Variants in CNNM1 observed in about 807,000 individuals in gnomAD.
CNNM1 encodes cyclin and CBS domain divalent metal cation transport mediator 1, also known as metal transporter CNNM1.
A neutral mutation model predicts 78.8 loss-of-function variants in CNNM1; 44 were observed. The observed-to-expected ratio is 0.56, with a 90% CI of 0.44 to 0.72. The LOEUF (loss-of-function observed/expected upper bound fraction) is 0.72, where lower values mean the gene tolerates loss of function less well. CNNM1 is among the 30% of genes least tolerant of loss of function. The probability of loss-of-function intolerance (pLI) is 0.00; values close to 1 mark genes in which losing one functional copy is unlikely to be tolerated. For synonymous variants in CNNM1, 584 were observed against 581.5 expected, an observed-to-expected ratio of 1.00 and a Z score of -0.06; for missense variants, 1,101 against 1,292.2, an observed-to-expected ratio of 0.85 and a Z score of 2.27.
intron 1 of CNNM1, among the ~76,000 whole-genome samples, chr10:99,351,553 C>T (rs1471466317): frequency 1.3e-5 from 2 of 152,176 alleles, no homozygotes; most frequent in Non-Finnish European, 2.9e-5. Context: ...ATTCACAAGT[C>T]ATCCCTGAGA....
rs563460044 is a variant in CNNM1, at chr10:99,356,882, C to T, written c.1574-630C>T. On this transcript the variant is annotated intron_variant, in intron 1 of 10. Transcript: ENST00000356713. ...TCTTACAATGTTCTTGCAGCAAAAG[C>T]TACATGCCTTTATGACCTGGCCTCA... is the stretch of plus-strand genomic sequence containing the variant. 2.4e-4 allele frequency among the ~76,000 whole-genome samples: 36 copies of T among 152,312 alleles called. No individual in the cohort carries two copies. The South Asian group carries it at 3.9e-3, about 17-fold the overall frequency.
In CNNM1 at chr10:99,330,414, C is replaced by T; in HGVS notation, c.1027C>T (p.Pro343Ser). The change falls in exon 1 of 11, where the codon CCC becomes TCC. Residue 343 changes from proline to serine, a missense_variant. Physicochemically the swap from Pro to Ser is moderately conservative, Grantham distance 74 (BLOSUM62 -1). Around this residue, in one of 3 missense-constraint regions of CNNM1, gnomAD observed 277 missense variants for 423.2 expected, o/e 0.65. Transcript: ENST00000356713. ...GAVFLGAEIC[P>S]YSVCSRHGLA... Reference sequence around the variant, plus strand: ...GGTATTCCTGGGCGCCGAAATCTGCCCCTACTCAGTGTGTTCGCGGCACGG... The same window carrying T: ...GGTATTCCTGGGCGCCGAAATCTGCTCCTACTCAGTGTGTTCGCGGCACGG... 1.3e-6 allele frequency: 2 copies of T among 1,593,864 alleles called. No individual in the cohort carries two copies. The highest frequency in any genetic ancestry group is 1.1e-5 in the South Asian group (1 of 87,730).
At chr10:99,364,282 T>C (rs1043521600) in intron 4 of CNNM1, 135 bp from the exon 5 acceptor site, 1 of 622,816 alleles carries the variant, frequency 1.6e-6, no homozygotes, top group Non-Finnish European at 2.8e-6. Flanking sequence ...CTGGAGAGAA[T>C]TAACATTCCT....
chr10:99,347,771 T>G (rs2030762650), intron 1 of CNNM1, among the ~76,000 whole-genome samples: 1 of 151,980 alleles, frequency 6.6e-6, no homozygotes, highest in South Asian at 2.1e-4. Context: ...TCCTTGCCAT[T>G]CCTTAAGCAC....
chr10:99,358,410 T>A (rs947839028), intron 2 of CNNM1, among the ~76,000 whole-genome samples: 1 of 152,218 alleles, frequency 6.6e-6, no homozygotes, highest in Non-Finnish European at 1.5e-5. Context: ...TGGGAGTCCC[T>A]AGGCTGGGAA....
chr10:99,333,816 G>A (rs2030040675), intron 1 of CNNM1, among the ~76,000 whole-genome samples: 2 of 152,152 alleles, frequency 1.3e-5, no homozygotes, highest in South Asian at 4.1e-4. Context: ...TAAATAGTAA[G>A]CTGTTCCAAA....
At chr10:99,339,316 G>A (rs2030333808) in intron 1 of CNNM1, among the ~76,000 whole-genome samples, 1 of 152,204 alleles carries the variant, frequency 6.6e-6, no homozygotes, top group Non-Finnish European at 1.5e-5. Context: ...ATACAGTGGT[G>A]AGCTAGGCAG....
At chr10:99,358,651 G>T (rs1335133611) in intron 2 of CNNM1, among the ~76,000 whole-genome samples, 1 of 152,206 alleles carries the variant, frequency 6.6e-6, no homozygotes, top group Admixed American at 6.5e-5. Flanking sequence ...GCAAAGACAA[G>T]CAAGAGAGTC....
chr10:99,342,794 A>G (rs1360671872), intron 1 of CNNM1, among the ~76,000 whole-genome samples: 1 of 152,132 alleles, frequency 6.6e-6, no homozygotes, highest in African/African-American at 2.4e-5. Context: ...CTTTATAAAC[A>G]CAAGAGGCTC....
intron 1 of CNNM1, among the ~76,000 whole-genome samples, chr10:99,342,810 G>A (rs970538083): frequency 2.8e-4 from 42 of 152,008 alleles, no homozygotes; most frequent in African/African-American, 9.9e-4. Context: ...GGCTCTAACA[G>A]CACTGTTAAA....
intron 7 of CNNM1, among the ~76,000 whole-genome samples, chr10:99,385,333 T>G (rs1424609192): frequency 6.6e-6 from 1 of 152,182 alleles, no homozygotes; most frequent in African/African-American, 2.4e-5. Flanking sequence ...GCTTCTCCAC[T>G]GTCCATAGTC....
chr10:99,381,280 G>A (rs2032142953), intron 7 of CNNM1, among the ~76,000 whole-genome samples: 1 of 151,724 alleles, frequency 6.6e-6, no homozygotes, highest in Non-Finnish European at 1.5e-5. Context: ...CAGGCATGGT[G>A]GTGGGCATCT....
Position 99,388,178 on chromosome 10 carries a change from C to A in CNNM1, c.2551C>A (p.Pro851Thr). The A allele has an allele frequency of 3.1e-6, 5 of 1,613,940 alleles. No homozygotes were observed. Among genetic ancestry groups the A allele is most frequent in the Non-Finnish European group, 4.2e-6 (5 of 1,179,896 alleles). The change falls in exon 9 of 11, where the codon CCC becomes ACC. Residue 851 changes from proline (P) to threonine (T), a missense_variant. Pro to Thr is a conservative substitution (Grantham distance 38). Around this residue, in one of 3 missense-constraint regions of CNNM1, gnomAD observed 348 missense variants for 384.5 expected, o/e 0.90. Transcript: ENST00000356713. ...PCSRSDGLRS[P>T]SEVVYLRMEE... ...CAGCCGCTCAGACGGGCTGAGAAGC[C>A]CCAGCGAGGTAGTGTACCTGAGGAT...
chr10:99,354,051 A>G (rs1038662144), intron 1 of CNNM1, among the ~76,000 whole-genome samples: 1 of 152,192 alleles, frequency 6.6e-6, no homozygotes, highest in African/African-American at 2.4e-5. Context: ...TATGTATTCT[A>G]GGGTTCACAT....
At chr10:99,356,252 T>A (rs1400680886) in intron 1 of CNNM1, among the ~76,000 whole-genome samples, 1 of 151,704 alleles carries the variant, frequency 6.6e-6, no homozygotes. Context: ...TCGAGGCAGA[T>A]GGACCATGAG....
intron 1 of CNNM1, among the ~76,000 whole-genome samples, chr10:99,337,695 G>C (rs1257605359): frequency 6.6e-6 from 1 of 152,176 alleles, no homozygotes; most frequent in African/African-American, 2.4e-5. Flanking sequence ...CCCATATAAT[G>C]AGCATCTCCA....
In CNNM1 at chr10:99,329,611, A is replaced by G; in HGVS notation, c.224A>G (p.Tyr75Cys). The G allele has an allele frequency of 6.6e-7, 1 of 1,510,566 alleles. No homozygotes were observed. 93.6% of individuals were successfully genotyped at this position (1,510,566 alleles called of 1,614,324 possible). Residue 75 changes from tyrosine to cysteine, a missense_variant, in exon 1 of 11, where the codon TAT (tyrosine) becomes TGT (cysteine). Tyr to Cys is a radical substitution (Grantham distance 194). Coordinates refer to ENST00000356713, the MANE Select transcript of CNNM1 (RefSeq NM_020348.3). ...AEGTSFLLRV[Y>C]FQPGPPATAA... is the part of the protein sequence containing the mutation. ...GGCACCAGCTTCCTCCTGCGTGTCT[A>G]TTTCCAGCCAGGACCGCCGGCCACC...
chr10:99,333,464 C>T (rs1475340066), intron 1 of CNNM1, among the ~76,000 whole-genome samples: 4 of 152,144 alleles, frequency 2.6e-5, no homozygotes, highest in African/African-American at 9.7e-5. Flanking sequence ...TCTGCCTCAG[C>T]CTCCCAAGTA....
intron 6 of CNNM1, among the ~76,000 whole-genome samples, chr10:99,368,834 A>G (rs564790247): frequency 1.3e-5 from 2 of 152,214 alleles, no homozygotes; most frequent in African/African-American, 4.8e-5. Flanking sequence ...ACTCATTTGC[A>G]CATACCACCC....
Sources: gnomAD v4.1 joint callset for allele counts (sites outside exome capture counted in the v4.1 genomes callset) on GRCh38, gnomAD v4.1.1 for gene constraint, gnomAD v4.1.1 regional missense constraint, MANE v1.5 for transcripts, NCBI Gene and HGNC (gene_info 2026-07-23, HGNC 2026-07-21) for gene names.